Variants in SCN11A observed in about 807,000 individuals in gnomAD.
The protein encoded by SCN11A is sodium channel protein type 11 subunit alpha.
A neutral mutation model predicts 162.2 loss-of-function variants in SCN11A; 122 were observed. The observed-to-expected ratio is 0.75, with a 90% CI of 0.65 to 0.87. SCN11A has a LOEUF of 0.87. Among genes scored for constraint, SCN11A ranks in the 40% least tolerant of loss-of-function variants. SCN11A has a pLI of 0.00. For missense variants in SCN11A, 2,015 were observed against 2,181.6 expected, an observed-to-expected ratio of 0.92 and a Z score of 1.52; for synonymous variants, 758 against 751.5, an observed-to-expected ratio of 1.01 and a Z score of -0.14.
At chr3:39,016,738 G>A (rs946707090) in intron 2 of SCN11A, among the ~76,000 whole-genome samples, 2 of 152,040 alleles carry the variant, frequency 1.3e-5, no homozygotes, top group Admixed American at 1.3e-4. Flanking sequence ...AAGTAGCTGG[G>A]ATTACAGGCA....
intron 1 of SCN11A, among the ~76,000 whole-genome samples, chr3:39,034,582 T>C (rs6599002): frequency 0.48 from 72,987 of 152,126 alleles, 21,394 homozygotes; most frequent in African/African-American, 0.84. Context: ...TGTTATTGAA[T>C]ATTTTAATAG....
intron 26 of SCN11A, among the ~76,000 whole-genome samples, chr3:38,867,834 G>C (rs760833276): frequency 2.3e-4 from 35 of 152,124 alleles, no homozygotes; most frequent in South Asian, 1.2e-3. Flanking sequence ...ACCAGAGGAG[G>C]GGCACGTTCA....
At chr3:38,870,617 C>A in intron 26 of SCN11A, 74 bp downstream of exon 26, 1 of 1,310,466 alleles carries the variant, frequency 7.6e-7, no homozygotes, top group Non-Finnish European at 1.1e-6. Flanking sequence ...GACGCCAGTT[C>A]TGGACTGTCC....
In SCN11A at chr3:38,950,268, G is replaced by A. The variant is rs150835546; in HGVS notation, c.95C>T (p.Ala32Val). 1,344 of 1,613,978 alleles carry A rather than the reference G, an allele frequency of 8.3e-4. No individual in the cohort carries two copies. Among genetic ancestry groups the A allele is most frequent in the Non-Finnish European group, 1.0e-3 (1,185 of 1,180,008 alleles). Residue 32 changes from alanine (A) to valine (V), a missense_variant, in exon 5 of 30, where the codon GCC becomes GTC. Ala to Val is a moderately conservative substitution (Grantham distance 64). Coordinates refer to ENST00000302328, the MANE Select transcript of SCN11A (RefSeq NM_001349253.2). ...AGACTTCTTTTTCTCCTTTTGGATG[G>A]CAATCCGCTTCTCAATTGCAGCCAG... is the stretch of plus-strand genomic sequence containing the variant. ...DSLAAIEKRI[A>V]IQKEKKKSKD...
At chr3:38,932,278 T>C (rs1448571198) in intron 7 of SCN11A, among the ~76,000 whole-genome samples, 5 of 152,202 alleles carry the variant, frequency 3.3e-5, no homozygotes, top group East Asian at 1.9e-4. Flanking sequence ...AGTCTACAGC[T>C]CCCAGCGTGA....
intron 2 of SCN11A, among the ~76,000 whole-genome samples, chr3:39,031,943 T>C (rs2031770953): frequency 6.6e-6 from 1 of 152,152 alleles, no homozygotes; most frequent in African/African-American, 2.4e-5. Context: ...AGATATATTT[T>C]ACAGTGAAGG....
At chr3:38,892,921 A>G (rs2065523619) in intron 19 of SCN11A, among the ~76,000 whole-genome samples, 1 of 152,124 alleles carries the variant, frequency 6.6e-6, no homozygotes, top group South Asian at 2.1e-4. Context: ...TATTTACTTA[A>G]TGCAAGTGAA....
At chr3:38,849,687 T>A (rs773230844) in intron 29 of SCN11A, 2 of 152,252 alleles carry the variant, frequency 1.3e-5, no homozygotes, top group Non-Finnish European at 2.9e-5. Context: ...AGTAAGCACT[T>A]ATGGTTTAGC....
chr3:38,988,333 A>G (rs2030333630), intron 2 of SCN11A, among the ~76,000 whole-genome samples: 1 of 151,884 alleles, frequency 6.6e-6, no homozygotes, highest in Non-Finnish European at 1.5e-5. Flanking sequence ...CCTATCTCTC[A>G]TTCTCTGAGC....
In SCN11A at chr3:38,963,369, A is replaced by G. The variant is rs141932411; in HGVS notation, c.-279-2946T>C. 3.2e-3 allele frequency among the ~76,000 whole-genome samples: 259 copies of G among 81,544 alleles called. 9 individuals are homozygous for G. The highest frequency in any genetic ancestry group is 0.019 in the African/African-American group (247 of 12,816). The allele number at this position is 81,544 out of a possible 152,430, so 53.5% of individuals were successfully genotyped here. A position where few individuals can be genotyped will look rare whatever the true frequency, so the allele number is the denominator to read the frequency against. ...ATTTGATGGATATATATATATATAT[A>G]TATATATATATATATATGATGGAGA... On this transcript the variant is annotated intron_variant, in intron 2 of 29. Coordinates refer to ENST00000302328, the MANE Select transcript of SCN11A (RefSeq NM_001349253.2).
rs58073602 is a variant in SCN11A, at chr3:38,963,451, G to GAT, written c.-279-3030_-279-3029dup. 2.3e-3 allele frequency among the ~76,000 whole-genome samples: 204 copies of GAT among 88,586 alleles called. 2 individuals carry two copies. Among genetic ancestry groups the GAT allele is most frequent in the East Asian group, 0.013 (32 of 2,494 alleles). 58.1% of individuals were successfully genotyped at this position (88,586 alleles called of 152,430 possible). A position where few individuals can be genotyped will look rare whatever the true frequency, so the allele number is the denominator to read the frequency against. On this transcript the variant is annotated intron_variant, in intron 2 of 29. Coordinates refer to ENST00000302328, the MANE Select transcript of SCN11A (RefSeq NM_001349253.2). ...TATATATATATATATATATGATGGA[G>GAT]ATATATATATATATATGATGGAGAT... is the stretch of plus-strand genomic sequence containing the variant.
chr3:38,950,264 G>A lies in SCN11A; in HGVS notation c.99C>T (p.Ile33=), dbSNP rs773374315. 4.7e-5 allele frequency: 76 copies of A among 1,613,850 alleles called. No homozygotes were observed. Among genetic ancestry groups the A allele is most frequent in the Admixed American group, 8.3e-5 (5 of 59,980 alleles). ...CTTTAGACTTCTTTTTCTCCTTTTG[G>A]ATGGCAATCCGCTTCTCAATTGCAG... The part of the protein sequence containing the change: ...SLAAIEKRIA[I]QKEKKKSKDQ... Residue 33 remains isoleucine, a synonymous_variant, in exon 5 of 30, where the codon ATC becomes ATT. Transcript: ENST00000302328.
At chr3:39,044,885 A>T (rs1559584666) in intron 1 of SCN11A, among the ~76,000 whole-genome samples, 1 of 152,064 alleles carries the variant, frequency 6.6e-6, no homozygotes, top group Admixed American at 6.5e-5. Flanking sequence ...AGTTTTTTGA[A>T]AAGATAATAT....
chr3:38,923,769 G>T (rs2066090675), intron 9 of SCN11A, among the ~76,000 whole-genome samples: 1 of 152,094 alleles, frequency 6.6e-6, no homozygotes, highest in Non-Finnish European at 1.5e-5. Flanking sequence ...GATTTGTGGG[G>T]GTTGGGAGGA....
At chr3:39,019,932 ACTT>A (rs983517169) in intron 2 of SCN11A, among the ~76,000 whole-genome samples, 3 of 152,170 alleles carry the variant, frequency 2.0e-5, no homozygotes, top group Non-Finnish European at 4.4e-5. Flanking sequence ...GTTATTATAA[ACTT>A]CTTGTTTTTC....
At chr3:39,014,011 T>C (rs752212381) in intron 2 of SCN11A, among the ~76,000 whole-genome samples, 5 of 152,234 alleles carry the variant, frequency 3.3e-5, no homozygotes, top group Admixed American at 1.3e-4. Context: ...ACTTATCACA[T>C]CCTTTTTCCA....
chr3:38,961,343 C>G (rs1406103607), intron 2 of SCN11A, among the ~76,000 whole-genome samples: 1 of 152,178 alleles, frequency 6.6e-6, no homozygotes, highest in Non-Finnish European at 1.5e-5. Context: ...TAAAAACACT[C>G]AGCAAACACT....
intron 27 of SCN11A, among the ~76,000 whole-genome samples, chr3:38,865,724 T>C (rs765488742): frequency 1.1e-4 from 16 of 152,172 alleles, no homozygotes; most frequent in South Asian, 2.1e-4. Context: ...ATTGGACTTA[T>C]ATAAAAATGC....
At chr3:39,007,987 G>A (rs981169313) in intron 2 of SCN11A, among the ~76,000 whole-genome samples, 28 of 152,314 alleles carry the variant, frequency 1.8e-4, no homozygotes, top group Non-Finnish European at 1.5e-5. Flanking sequence ...TGGACAGTTA[G>A]TGTCAGAAGT....
Sources: gnomAD v4.1 joint callset for allele counts (sites outside exome capture counted in the v4.1 genomes callset) on GRCh38, gnomAD v4.1.1 for gene constraint, MANE v1.5 for transcripts, NCBI Gene and HGNC (gene_info 2026-07-23, HGNC 2026-07-21) for gene names.